KCNIP4: variants seen among roughly 807,000 people sequenced by gnomAD.
KCNIP4 encodes the protein potassium voltage-gated channel interacting protein 4.
In KCNIP4, 12 loss-of-function variants were observed where a neutral mutation model predicts 34.0. The ratio of observed to expected loss-of-function variants is 0.35; its 90% CI spans 0.23 to 0.57. The LOEUF (loss-of-function observed/expected upper bound fraction) is 0.57, where lower values mean the gene tolerates loss of function less well. Among genes scored for constraint, KCNIP4 ranks in the 20% least tolerant of loss-of-function variants. KCNIP4 has a pLI of 0.83. For missense variants in KCNIP4, 238 were observed against 311.7 expected (o/e 0.76, Z 1.78); for synonymous variants, 124 against 102.2 (o/e 1.21, Z -1.29).
chr4:21,297,057 T>A (rs1321409456), intron 1 of KCNIP4, among the ~76,000 whole-genome samples: 1 of 151,476 alleles, frequency 6.6e-6, no homozygotes, highest in East Asian at 1.9e-4. Flanking sequence ...TGTGTGTGTA[T>A]AAATATATGA....
intron 1 of KCNIP4, among the ~76,000 whole-genome samples, chr4:21,826,152 T>C (rs1722666573): frequency 6.6e-6 from 1 of 152,144 alleles, no homozygotes; most frequent in African/African-American, 2.4e-5. Flanking sequence ...TATGTAGCAT[T>C]TTATAAGCCA....
intron 1 of KCNIP4, among the ~76,000 whole-genome samples, chr4:21,102,007 G>A (rs979634430): frequency 2.6e-5 from 4 of 152,118 alleles, no homozygotes; most frequent in African/African-American, 9.7e-5. Context: ...GGAGGCCCAA[G>A]TGTACCTAAA....
intron 1 of KCNIP4, among the ~76,000 whole-genome samples, chr4:20,965,008 T>A (rs762710012): frequency 6.6e-6 from 1 of 152,164 alleles, no homozygotes; most frequent in Non-Finnish European, 1.5e-5. Context: ...AAACTTTAAA[T>A]GATTCTATTT....
At chr4:20,802,456 A>G (rs746621435) in intron 3 of KCNIP4, among the ~76,000 whole-genome samples, 1 of 152,020 alleles carries the variant, frequency 6.6e-6, no homozygotes, top group Non-Finnish European at 1.5e-5. Context: ...ACCAGATAGA[A>G]AATAAATGAG....
At chr4:21,746,001 C>G (rs1716753921) in intron 1 of KCNIP4, among the ~76,000 whole-genome samples, 1 of 152,082 alleles carries the variant, frequency 6.6e-6, no homozygotes. Flanking sequence ...GCTAGATGTC[C>G]TAGATTAAGA....
chr4:20,962,288 G>A (rs897301563), intron 1 of KCNIP4, among the ~76,000 whole-genome samples: 15 of 152,138 alleles, frequency 9.9e-5, no homozygotes, highest in African/African-American at 2.4e-4. Flanking sequence ...TGCACACAGC[G>A]AATTTTGTGA....
intron 1 of KCNIP4, chr4:21,730,252 A>G (rs1176974000): frequency 6.6e-6 from 1 of 152,228 alleles, no homozygotes; most frequent in Non-Finnish European, 1.5e-5. Context: ...GCCACATCCC[A>G]GATCTTAAAC....
chr4:21,413,090 G>C (rs1262632312), intron 1 of KCNIP4, among the ~76,000 whole-genome samples: 1 of 152,166 alleles, frequency 6.6e-6, no homozygotes, highest in Non-Finnish European at 1.5e-5. Context: ...TACAATAACT[G>C]GTTACAGAAT....
At chr4:21,496,960 G>A (rs1732898938) in intron 1 of KCNIP4, among the ~76,000 whole-genome samples, 1 of 152,198 alleles carries the variant, frequency 6.6e-6, no homozygotes, top group Non-Finnish European at 1.5e-5. Flanking sequence ...GTTGGGGACT[G>A]CTGGCTTACA....
intron 1 of KCNIP4, among the ~76,000 whole-genome samples, chr4:21,685,097 T>C (rs1750705692): frequency 6.6e-6 from 1 of 152,200 alleles, no homozygotes; most frequent in African/African-American, 2.4e-5. Context: ...ATGTATAATT[T>C]TATCATTTAT....
intron 1 of KCNIP4, among the ~76,000 whole-genome samples, chr4:21,473,688 G>A (rs1391359818): frequency 2.6e-5 from 4 of 151,622 alleles, no homozygotes; most frequent in Non-Finnish European, 5.9e-5. Context: ...GAAGTCTTGT[G>A]GGGAGCAACA....
chr4:21,492,343 C>G (rs1732483305), intron 1 of KCNIP4, among the ~76,000 whole-genome samples: 1 of 152,112 alleles, frequency 6.6e-6, no homozygotes, highest in Non-Finnish European at 1.5e-5. Context: ...CTCAGCCTCC[C>G]CAGTAGCTAG....
chr4:20,793,837 C>T (rs1713092142), intron 3 of KCNIP4, among the ~76,000 whole-genome samples: 1 of 151,932 alleles, frequency 6.6e-6, no homozygotes, highest in Middle Eastern at 3.4e-3. Flanking sequence ...ATAAGGAGCA[C>T]ACAACCTAGA....
intron 4 of KCNIP4, among the ~76,000 whole-genome samples, chr4:20,752,055 G>GT (rs33912651): frequency 0.58 from 70,198 of 121,444 alleles, 20,558 homozygotes; most frequent in East Asian, 0.77. Flanking sequence ...ACTTCATAGA[G>GT]TTTTTTTTTT....
rs924151670 is a variant in KCNIP4 at position 21,883,343 on chromosome 4, G to T, written c.61+65228C>A. ...TAAAAAAATTTTTTTAGAAACGAGC[G>T]CTTACTAGTTGCCCAAGCCAGTCTC... On this transcript the variant is annotated intron_variant, in intron 1 of 8. Coordinates refer to ENST00000382152, the MANE Select transcript of KCNIP4 (RefSeq NM_025221.6). 2.0e-5 allele frequency among the ~76,000 whole-genome samples: 3 copies of T among 151,922 alleles called. No individual in the cohort carries two copies. The East Asian group carries it at 5.8e-4, about 30-fold the overall frequency.
chr4:20,815,895 T>C (rs958224506), intron 3 of KCNIP4, among the ~76,000 whole-genome samples: 1 of 152,188 alleles, frequency 6.6e-6, no homozygotes, highest in Non-Finnish European at 1.5e-5. Flanking sequence ...CCAGTTTGCC[T>C]GTTGCAAATT....
At chr4:21,888,585 G>A (rs970045254) in intron 1 of KCNIP4, among the ~76,000 whole-genome samples, 6 of 152,162 alleles carry the variant, frequency 3.9e-5, no homozygotes, top group East Asian at 1.9e-4. Flanking sequence ...CTCCTCAACC[G>A]TTTTCCTTTG....
intron 1 of KCNIP4, among the ~76,000 whole-genome samples, chr4:20,988,172 G>T (rs1465217159): frequency 1.3e-5 from 2 of 151,950 alleles, no homozygotes; most frequent in African/African-American, 4.8e-5. Context: ...GGGTATACTC[G>T]GTACCAGGTT....
At chr4:21,942,356 GACT>G (rs1234139726) in intron 1 of KCNIP4, among the ~76,000 whole-genome samples, 1 of 152,188 alleles carries the variant, frequency 6.6e-6, no homozygotes, top group Non-Finnish European at 1.5e-5. Flanking sequence ...AGGCCCCTCA[GACT>G]ACTGATGTTG....
Sources: gnomAD v4.1 joint callset for allele counts (sites outside exome capture counted in the v4.1 genomes callset) on GRCh38, gnomAD v4.1.1 for gene constraint, MANE v1.5 for transcripts, NCBI Gene and HGNC (gene_info 2026-07-23, HGNC 2026-07-21) for gene names.